The following SESN3 variants were observed in gnomAD, a reference collection of about 807,000 sequenced individuals.
The protein encoded by SESN3 is sestrin-3.
A neutral mutation model predicts 55.3 loss-of-function variants in SESN3; 21 were observed. That is an observed-to-expected ratio of 0.38 (90% confidence interval 0.27 to 0.55). SESN3 has a LOEUF of 0.55. SESN3 is among the 20% of genes least tolerant of loss of function. The probability of loss-of-function intolerance (pLI) is 0.76; values close to 1 mark genes in which losing one functional copy is unlikely to be tolerated. For missense variants in SESN3, 408 were observed against 604.3 expected (o/e 0.68, Z 3.41); for synonymous variants, 181 against 203.1 (o/e 0.89, Z 0.93).
At chr11:95,198,398 T>A (rs1444451512) in intron 1 of SESN3, among the ~76,000 whole-genome samples, 6 of 151,334 alleles carry the variant, frequency 4.0e-5, no homozygotes, top group Non-Finnish European at 1.5e-5. Flanking sequence ...TCTCAACAGA[T>A]GCTACTTGAT....
At chr11:95,232,274 G>A (rs944012463), upstream of SESN3, 2 of 152,286 alleles carry the variant, frequency 1.3e-5, no homozygotes, top group Non-Finnish European at 2.9e-5. Context: ...GACGGGTAGG[G>A]GAGCCAGGTC....
intron 1 of SESN3, among the ~76,000 whole-genome samples, chr11:95,227,681 TATTC>T (rs1481183660): frequency 6.6e-6 from 1 of 152,232 alleles, no homozygotes; most frequent in Admixed American, 6.5e-5. Flanking sequence ...AGCACAAAAC[TATTC>T]ATTTAAGTAG....
intron 1 of SESN3, among the ~76,000 whole-genome samples, chr11:95,199,859 A>G (rs1377565338): frequency 6.6e-6 from 1 of 151,958 alleles, no homozygotes; most frequent in Non-Finnish European, 1.5e-5. Context: ...TCTTTTTTTT[A>G]AGGAAAATCT....
chr11:95,219,040 G>A (rs1565475556), intron 1 of SESN3, among the ~76,000 whole-genome samples: 2 of 152,176 alleles, frequency 1.3e-5, no homozygotes, highest in African/African-American at 2.4e-5. Context: ...CACATTTTGA[G>A]TGTTCAATAA....
rs1303918726 is a variant in SESN3 at position 95,231,150 on chromosome 11, G to A, written c.-290C>T. On this transcript the variant is annotated 5_prime_UTR_variant, in exon 1 of 10. Coordinates refer to ENST00000536441, the MANE Select transcript of SESN3 (RefSeq NM_144665.4). ...ACCCCCGCCCCCGCCAGGCTAGGAC[G>A]AGCAGCCGCCACCGCTGCCACCGCC... 3.2e-6 allele frequency: 1 copy of A among 314,532 alleles called. No individual in the cohort carries two copies. 19.5% of individuals were successfully genotyped at this position (314,532 alleles called of 1,614,324 possible). A position where few individuals can be genotyped will look rare whatever the true frequency, so the allele number is the denominator to read the frequency against.
intron 1 of SESN3, among the ~76,000 whole-genome samples, chr11:95,225,125 G>A (rs575630968): frequency 1.8e-4 from 28 of 152,318 alleles, no homozygotes; most frequent in Middle Eastern, 3.4e-3. Flanking sequence ...AAAGAACACA[G>A]TGATAACGGT....
intron 1 of SESN3, among the ~76,000 whole-genome samples, chr11:95,220,027 T>G (rs3740860): frequency 0.091 from 13,882 of 152,106 alleles, 700 homozygotes; most frequent in Middle Eastern, 0.13. Flanking sequence ...CAGAACCACA[T>G]CTCGCCATAA....
At chr11:95,186,134 A>G (rs1860158378) in intron 4 of SESN3, among the ~76,000 whole-genome samples, 3 of 150,282 alleles carry the variant, frequency 2.0e-5, no homozygotes, top group Admixed American at 1.3e-4. Context: ...CAATTAATCC[A>G]TCAGGGATTC....
intron 6 of SESN3, chr11:95,182,257 G>T (rs1860071231): frequency 4.6e-6 from 1 of 218,788 alleles, no homozygotes; most frequent in Non-Finnish European, 9.4e-6. Flanking sequence ...AAAACACACA[G>T]ATATTACTAA....
rs1186976139 is a variant in SESN3, at chr11:95,171,391, CATGG to C, written c.*1860_*1863del. On this transcript the variant is annotated 3_prime_UTR_variant, in exon 10 of 10. Transcript: ENST00000536441. ...AAAAATATTAGTAATTTTTTCCTCA[CATGG>C]AAGATTTCAAACAGGATCCTGGAAT... 1 of 152,082 alleles carries C rather than the reference CATGG, an allele frequency of 6.6e-6. No individual in the cohort carries two copies. Among genetic ancestry groups the C allele is most frequent in the Admixed American group, 6.5e-5 (1 of 15,268 alleles). 9.4% of individuals were successfully genotyped at this position (152,082 alleles called of 1,614,324 possible).
chr11:95,206,526 T>C (rs1860552266), intron 1 of SESN3, among the ~76,000 whole-genome samples: 1 of 152,168 alleles, frequency 6.6e-6, no homozygotes, highest in South Asian at 2.1e-4. Context: ...ATGCTATAAT[T>C]AAGATCTGTG....
intron 1 of SESN3, among the ~76,000 whole-genome samples, chr11:95,228,535 A>T (rs1860990490): frequency 6.6e-6 from 1 of 152,218 alleles, no homozygotes; most frequent in Non-Finnish European, 1.5e-5. Context: ...TATATCAACA[A>T]GAAAAACATG....
In SESN3 at chr11:95,185,591, T is replaced by C. The variant is rs2134228917; in HGVS notation, c.526-99A>G. ...CCAATTTTCATATATCCACTTAGAG[T>C]AATAAAACTTAAAACTCTCTTTTAA... On this transcript the variant is annotated intron_variant, in intron 4 of 9. Transcript: ENST00000536441. 4.0e-6 allele frequency: 3 copies of C among 758,284 alleles called. No individual in the cohort carries two copies. The East Asian group carries it at 7.5e-5, about 19-fold the overall frequency. 47.0% of individuals were successfully genotyped at this position (758,284 alleles called of 1,614,324 possible).
intron 1 of SESN3, among the ~76,000 whole-genome samples, chr11:95,220,909 G>T (rs1860845848): frequency 6.6e-6 from 1 of 152,170 alleles, no homozygotes; most frequent in Non-Finnish European, 1.5e-5. Flanking sequence ...TAATTGTGAT[G>T]CTTGAATGTG....
At chr11:95,215,975 G>A (rs1860747004) in intron 1 of SESN3, among the ~76,000 whole-genome samples, 1 of 151,830 alleles carries the variant, frequency 6.6e-6, no homozygotes, top group Admixed American at 6.6e-5. Flanking sequence ...GTGGGCGCCT[G>A]TAGTCCCAGC....
chr11:95,181,758 C>T (rs904312971), intron 6 of SESN3, among the ~76,000 whole-genome samples: 1 of 151,974 alleles, frequency 6.6e-6, no homozygotes, highest in Non-Finnish European at 1.5e-5. Context: ...ATCTGGAATA[C>T]TTTATAACGC....
In SESN3 at chr11:95,170,221, G is replaced by C. The variant is rs1246438736; in HGVS notation, c.*3034C>G. 1 of 152,168 alleles carries C rather than the reference G, an allele frequency of 6.6e-6. No homozygotes were observed. The highest frequency in any genetic ancestry group is 2.4e-5 in the African/African-American group (1 of 41,438). 9.4% of individuals were successfully genotyped at this position (152,168 alleles called of 1,614,324 possible). A position where few individuals can be genotyped will look rare whatever the true frequency, so the allele number is the denominator to read the frequency against. ...CCTGCCTGGCTACTCCCATAGTCAG[G>C]TGGGTTAAAGAACAGATTATTTTCA... On this transcript the variant is annotated 3_prime_UTR_variant, in exon 10 of 10. Coordinates refer to ENST00000536441, the MANE Select transcript of SESN3 (RefSeq NM_144665.4).
intron 6 of SESN3, among the ~76,000 whole-genome samples, chr11:95,181,921 G>C (rs1185421806): frequency 1.3e-5 from 2 of 152,010 alleles, no homozygotes; most frequent in Non-Finnish European, 2.9e-5. Flanking sequence ...TACTGGCAAT[G>C]ATTAAGAGTG....
At chr11:95,188,920 A>T (rs1051525886) in intron 4 of SESN3, among the ~76,000 whole-genome samples, 1 of 151,920 alleles carries the variant, frequency 6.6e-6, no homozygotes, top group African/African-American at 2.4e-5. Flanking sequence ...AAATCAGAAC[A>T]TAAATCTTAA....
Sources: gnomAD v4.1 joint callset for allele counts (sites outside exome capture counted in the v4.1 genomes callset) on GRCh38, gnomAD v4.1.1 for gene constraint, MANE v1.5 for transcripts, NCBI Gene and HGNC (gene_info 2026-07-23, HGNC 2026-07-21) for gene names.